The following EXOC6 variants were observed in gnomAD, a reference collection of about 807,000 sequenced individuals.
The protein encoded by EXOC6 is SEC15-like 1.
A neutral mutation model predicts 112.5 loss-of-function variants in EXOC6; 60 were observed. That is an observed-to-expected ratio of 0.53 (90% CI 0.43 to 0.66). EXOC6 has a LOEUF of 0.66. Ranked by LOEUF, EXOC6 falls within the 30% of genes least tolerant of loss-of-function variation. EXOC6 has a pLI of 0.00. For missense variants in EXOC6, 855 were observed against 957.1 expected (o/e 0.89, Z 1.41); for synonymous variants, 295 against 308.0 (o/e 0.96, Z 0.44).
chr10:92,884,868 A>G (rs929912284), intron 1 of EXOC6, among the ~76,000 whole-genome samples: 4 of 152,154 alleles, frequency 2.6e-5, no homozygotes, highest in Admixed American at 2.6e-4. Context: ...TTCATCAGAA[A>G]GGGAACTTTT....
chr10:93,048,945 A>G (rs979336208), intron 20 of EXOC6, among the ~76,000 whole-genome samples: 2 of 152,158 alleles, frequency 1.3e-5, no homozygotes, highest in African/African-American at 2.4e-5. Flanking sequence ...TGCTAAATGG[A>G]AAGTCAGAAG....
At chr10:92,874,130 G>T (rs1305764622) in intron 1 of EXOC6, among the ~76,000 whole-genome samples, 1 of 151,604 alleles carries the variant, frequency 6.6e-6, no homozygotes, top group Non-Finnish European at 1.5e-5. Context: ...CTCTTTAGTT[G>T]CTAGAAACTC....
chr10:93,039,445 AC>A (rs1180187988), intron 20 of EXOC6, among the ~76,000 whole-genome samples: 2 of 152,144 alleles, frequency 1.3e-5, no homozygotes, highest in Non-Finnish European at 2.9e-5. Context: ...CAAAAATCTA[AC>A]CCCTGGCTCC....
At chr10:92,885,142 C>T (rs1849149093) in intron 1 of EXOC6, among the ~76,000 whole-genome samples, 1 of 152,058 alleles carries the variant, frequency 6.6e-6, no homozygotes, top group Admixed American at 6.5e-5. Flanking sequence ...TCCCTAAAGC[C>T]AATTTATAAT....
At chr10:93,010,700 T>TAAAA (rs538429286) in intron 19 of EXOC6, among the ~76,000 whole-genome samples, 6 of 131,700 alleles carry the variant, frequency 4.6e-5, no homozygotes, top group African/African-American at 8.4e-5. Flanking sequence ...CTCCATCTCT[T>TAAAA]AAAAAAAAAA....
chr10:92,920,232 T>C (rs141085870), intron 8 of EXOC6, among the ~76,000 whole-genome samples, 182 bp downstream of exon 8: 1 of 152,286 alleles, frequency 6.6e-6, no homozygotes, highest in East Asian at 1.9e-4. Flanking sequence ...TCAAGTGATA[T>C]ACCATTTCAT....
In EXOC6 at chr10:92,837,096, T is replaced by C. The variant is rs979590281; in HGVS notation, c.86+2272T>C. 1.2e-4 allele frequency among the ~76,000 whole-genome samples: 5 copies of C among 40,442 alleles called. No individual in the cohort carries two copies. The South Asian group carries it at 4.4e-3, about 36-fold the overall frequency. The allele number at this position is 40,442 out of a possible 152,430, so 26.5% of individuals were successfully genotyped here. ...TCTTTAGCCTGAAATGGTTATAACA[T>C]AACACACACACACACACACACACAC... On this transcript the variant is annotated intron_variant, in intron 1 of 21. Transcript: ENST00000371552.
Position 92,896,177 on chromosome 10 carries a change from ATATATTTTTTTTTTTTTTT to A in EXOC6, c.412+1159_412+1177del, listed in dbSNP as rs1564810076. Reference sequence around the variant, plus strand: ...TATATATATATATATATATATATATATATATTTTTTTTTTTTTTTTTTTTTTTTTTTTTTTTTTTTGGCG... The same window carrying A: ...TATATATATATATATATATATATATATTTTTTTTTTTTTTTTTTTTTGGCG... On this transcript the variant is annotated intron_variant, in intron 4 of 21. Coordinates refer to ENST00000260762, the MANE Select transcript of EXOC6 (RefSeq NM_019053.6). 5.9e-3 allele frequency among the ~76,000 whole-genome samples: 95 copies of A among 16,158 alleles called. 5 individuals carry two copies. The highest frequency in any genetic ancestry group is 6.6e-3 in the African/African-American group (22 of 3,350). The allele number at this position is 16,158 out of a possible 152,430, so 10.6% of individuals were successfully genotyped here. A position where few individuals can be genotyped will look rare whatever the true frequency, so the allele number is the denominator to read the frequency against.
intron 19 of EXOC6, among the ~76,000 whole-genome samples, chr10:93,011,375 GC>G (rs1237914792): frequency 6.6e-6 from 1 of 151,934 alleles, no homozygotes; most frequent in Non-Finnish European, 1.5e-5. Context: ...TCCTGCCCTA[GC>G]CTCCCCAGTA....
At chr10:92,863,008 G>A (rs963940070) in intron 1 of EXOC6, among the ~76,000 whole-genome samples, 2 of 152,190 alleles carry the variant, frequency 1.3e-5, no homozygotes, top group Admixed American at 6.5e-5. Context: ...GAAGATACAA[G>A]CTCGACTTAA....
intron 13 of EXOC6, among the ~76,000 whole-genome samples, chr10:92,947,946 A>G (rs1853135593): frequency 6.6e-6 from 1 of 152,096 alleles, no homozygotes; most frequent in South Asian, 2.1e-4. Context: ...AATACTTTCC[A>G]TTACGTGGAT....
At chr10:92,869,871 CA>C (rs1045504004) in intron 1 of EXOC6, among the ~76,000 whole-genome samples, 7 of 151,238 alleles carry the variant, frequency 4.6e-5, no homozygotes, top group African/African-American at 1.7e-4. Flanking sequence ...GTGGTTGAGA[CA>C]GGGGGCATCT....
intron 6 of EXOC6, among the ~76,000 whole-genome samples, chr10:92,914,251 T>C (rs1295348617): frequency 6.6e-6 from 1 of 152,210 alleles, no homozygotes; most frequent in African/African-American, 2.4e-5. Flanking sequence ...ATCTAATGCC[T>C]GATCATCTGA....
At chr10:92,908,969 T>C (rs1198942610) in intron 5 of EXOC6, among the ~76,000 whole-genome samples, 5 of 152,150 alleles carry the variant, frequency 3.3e-5, no homozygotes, top group Admixed American at 3.3e-4. Flanking sequence ...TAGTATGACA[T>C]TTTTTAAAAA....
chr10:92,928,966 C>T (rs1442534111), intron 9 of EXOC6, among the ~76,000 whole-genome samples: 1 of 152,124 alleles, frequency 6.6e-6, no homozygotes. Flanking sequence ...CAGGAAAACC[C>T]AAATGAAGGC....
intron 18 of EXOC6, among the ~76,000 whole-genome samples, chr10:92,984,642 T>C (rs1326329): frequency 0.78 from 118,197 of 152,058 alleles, 47,280 homozygotes; most frequent in East Asian, 0.99. Context: ...TATTTAAGTC[T>C]TTGCATATTA....
chr10:92,997,151 A>T (rs1049942845), intron 18 of EXOC6, among the ~76,000 whole-genome samples: 2 of 152,214 alleles, frequency 1.3e-5, no homozygotes, highest in African/African-American at 4.8e-5. Context: ...GTGTCATTTT[A>T]ATATGCATTT....
At chr10:92,966,317 A>T (rs1842050972) in intron 17 of EXOC6, among the ~76,000 whole-genome samples, 2 of 145,842 alleles carry the variant, frequency 1.4e-5, no homozygotes, top group Non-Finnish European at 3.0e-5. Context: ...TTATACTTTT[A>T]GGGTACATGT....
At chr10:92,964,603 CTTAAATA>C (rs978613672) in intron 17 of EXOC6, among the ~76,000 whole-genome samples, 1 of 152,002 alleles carries the variant, frequency 6.6e-6, no homozygotes, top group Non-Finnish European at 1.5e-5. Context: ...TAACTTTTTT[CTTAAATA>C]TTGAATAAAT....
Sources: gnomAD v4.1 joint callset for allele counts (sites outside exome capture counted in the v4.1 genomes callset) on GRCh38, gnomAD v4.1.1 for gene constraint, MANE v1.5 for transcripts, NCBI Gene and HGNC (gene_info 2026-07-23, HGNC 2026-07-21) for gene names.